Variants in INPP5J observed in about 807,000 individuals in gnomAD.
INPP5J encodes phosphatidylinositol 4,5-bisphosphate 5-phosphatase A.
A neutral mutation model predicts 86.6 loss-of-function variants in INPP5J; 75 were observed. The observed-to-expected ratio is 0.87, with a 90% CI of 0.72 to 1.05. INPP5J has a LOEUF of 1.05. INPP5J is among the 50% of genes least tolerant of loss of function. The pLI is 0.00. For synonymous variants in INPP5J, 540 were observed against 550.0 expected (o/e 0.98, Z 0.25); for missense variants, 1,229 against 1,341.2 (o/e 0.92, Z 1.31).
Position 31,128,588 on chromosome 22 carries a change from C to G in INPP5J, c.2127C>G (p.Ser709Arg). ...ACCGACTCCAGGTGACGCAGCACAG[C>G]TACCGCAGCCACATGGAATACACAG... ...KSHRLQVTQH[S>R]YRSHMEYTVS... Residue 709 changes from serine (S) to arginine (R), a missense_variant, in exon 9 of 13, where the codon AGC becomes AGG. Transcript: ENST00000331075. 4 of 1,612,744 alleles carry G rather than the reference C, an allele frequency of 2.5e-6. No individual in the cohort carries two copies. The highest frequency in any genetic ancestry group is 3.4e-6 in the Non-Finnish European group (4 of 1,179,572).
Position 31,125,640 on chromosome 22 carries a change from C to A in INPP5J, c.901C>A (p.Pro301Thr). The change falls in exon 2 of 13, where the codon CCC (proline) becomes ACC (threonine). Residue 301 changes from proline to threonine, a missense_variant. Physicochemically the swap from Pro to Thr is conservative, Grantham distance 38. Transcript: ENST00000331075. ...SPEDPVLPRP[P>T]QTLPLDVGQG... Reference sequence around the variant, plus strand: ...TGAGGATCCTGTTTTGCCACGGCCACCCCAGACCTTGCCCTTGGATGTGGG... The same window carrying A: ...TGAGGATCCTGTTTTGCCACGGCCAACCCAGACCTTGCCCTTGGATGTGGG... 3 of 1,550,552 alleles carry A rather than the reference C, an allele frequency of 1.9e-6. No individual in the cohort carries two copies. The highest frequency in any genetic ancestry group is 2.6e-6 in the Non-Finnish European group (3 of 1,146,974).
In INPP5J at chr22:31,133,824, C is replaced by G. The variant is rs1922322855; in HGVS notation, c.2515-89C>G. ...GACAAATAACCTGACCTCCCAAGAT[C>G]TGCCAACGAGAGAGGCAGACCTCGG... On this transcript the variant is annotated intron_variant, in intron 12 of 12. Coordinates refer to ENST00000331075, the MANE Select transcript of INPP5J (RefSeq NM_001284285.2). 5 of 1,596,434 alleles carry G rather than the reference C, an allele frequency of 3.1e-6. No homozygotes were observed. The South Asian group carries it at 5.6e-5, about 18-fold the overall frequency.
rs199529595 is a variant in INPP5J at position 31,128,482 on chromosome 22, G to A, written c.2021G>A (p.Arg674Gln). The A allele has an allele frequency of 1.2e-5, 19 of 1,613,468 alleles. No homozygotes were observed. The highest frequency in any genetic ancestry group is 2.2e-5 in the East Asian group (1 of 44,880). ...TNKYDTSAKK[R>Q]KPAWTDRILW... Reference sequence around the variant, plus strand: ...CCTGCTCACTGCAGTGCCAAGAAACGGAAGCCAGCTTGGACAGACCGTATC... The same window carrying A: ...CCTGCTCACTGCAGTGCCAAGAAACAGAAGCCAGCTTGGACAGACCGTATC... The change falls in exon 9 of 13, where the codon CGG becomes CAG. Residue 674 changes from arginine to glutamine, a missense_variant. Coordinates refer to ENST00000331075, the MANE Select transcript of INPP5J (RefSeq NM_001284285.2).
In INPP5J at chr22:31,123,179, C is replaced by A. The variant is rs754304990; in HGVS notation, c.105+60C>A. 1.8e-4 allele frequency: 188 copies of A among 1,023,150 alleles called. 1 individual carries two copies. Among genetic ancestry groups the A allele is most frequent in the Non-Finnish European group, 2.4e-4 (174 of 736,896 alleles). 63.4% of individuals were successfully genotyped at this position (1,023,150 alleles called of 1,614,324 possible). Reference sequence around the variant, plus strand: ...CTGATCCCTGGTTCCACACACCCCCCCCACATACACTGCAGGCTCCCTGGT... The same window carrying A: ...CTGATCCCTGGTTCCACACACCCCCACCACATACACTGCAGGCTCCCTGGT... On this transcript the variant is annotated intron_variant, in intron 1 of 12. Transcript: ENST00000331075.
chr22:31,129,087 A>G (rs1337949362), intron 9 of INPP5J, among the ~76,000 whole-genome samples: 1 of 149,998 alleles, frequency 6.7e-6, no homozygotes. Context: ...ACCCGCCACC[A>G]CGCCAGGCTA....
At chr22:31,126,133 G>T in intron 2 of INPP5J, 123 bp downstream of exon 2, 1 of 1,041,676 alleles carries the variant, frequency 9.6e-7, no homozygotes, top group Non-Finnish European at 1.4e-6. Context: ...TGGGGAGGGG[G>T]TTGCTGGGCC....
At chr22:31,129,577 T>A (rs1261227993) in intron 9 of INPP5J, among the ~76,000 whole-genome samples, 1 of 116,594 alleles carries the variant, frequency 8.6e-6, no homozygotes. Context: ...GCAGTCTCAC[T>A]CTGTTGCCCA....
At chr22:31,128,927 C>CTTTTTTTTT (rs56761879) in intron 9 of INPP5J, among the ~76,000 whole-genome samples, 1 of 79,998 alleles carries the variant, frequency 1.3e-5, no homozygotes, top group African/African-American at 4.6e-5. Flanking sequence ...CATGCCTTTT[C>CTTTTTTTTT]TTTTTTTTTT....
chr22:31,125,932 C>T lies in INPP5J; in HGVS notation c.1193C>T (p.Thr398Ile), dbSNP rs1455846741. The T allele has an allele frequency of 1.2e-6, 2 of 1,613,178 alleles. No individual in the cohort carries two copies. The highest frequency in any genetic ancestry group is 1.6e-4 in the Middle Eastern group (1 of 6,082). The change falls in exon 2 of 13, where the codon ACC becomes ATC. Residue 398 changes from threonine (T) to isoleucine (I), a missense_variant. Transcript: ENST00000331075. Reference sequence around the variant, plus strand: ...GCCCAAGAAGCCCCAGCCCCAGTCACCACCTCCTCTTCTACATCCACCCTG... The same window carrying T: ...GCCCAAGAAGCCCCAGCCCCAGTCATCACCTCCTCTTCTACATCCACCCTG... ...LQAQEAPAPV[T>I]TSSSTSTLSS...
In INPP5J at chr22:31,128,570, C is replaced by G. The variant is rs753996459; in HGVS notation, c.2109C>G (p.Leu703=). The change falls in exon 9 of 13, where the codon CTC becomes CTG. Residue 703 remains leucine (L), a synonymous_variant. Transcript: ENST00000331075. The stretch of plus-strand genomic sequence containing the variant: ...CCTCAGGACGGAAGAGCCACCGACT[C>G]CAGGTGACGCAGCACAGCTACCGCA... ...PSPSGRKSHR[L]QVTQHSYRSH... is the part of the protein sequence containing the mutation. 4.0e-5 allele frequency: 65 copies of G among 1,613,256 alleles called. No individual in the cohort carries two copies. Among genetic ancestry groups the G allele is most frequent in the Non-Finnish European group, 4.2e-6 (5 of 1,179,822 alleles).
chr22:31,128,204 C>G lies in INPP5J; in HGVS notation c.1900-10C>G. The stretch of plus-strand genomic sequence containing the variant: ...CTGTTGTCCAATCTGCTCTCCTGGA[C>G]CCCCCACAGCTCAACATGGCCAAGA... On this transcript the variant is annotated splice_polypyrimidine_tract_variant and intron_variant, in intron 7 of 12. Coordinates refer to ENST00000331075, the MANE Select transcript of INPP5J (RefSeq NM_001284285.2). The G allele has an allele frequency of 2.5e-6, 4 of 1,576,544 alleles. No individual in the cohort carries two copies. The highest frequency in any genetic ancestry group is 2.3e-5 in the East Asian group (1 of 43,334).
rs367726304 is a variant in INPP5J at position 31,126,914 on chromosome 22, G to A, written c.1495-7G>A. ...CTGTCCCCCAGCCACGTGGCCTCCC[G>A]CTGCAGGTGAGTTCGGTGAGGATGC... On this transcript the variant is annotated splice_polypyrimidine_tract_variant and splice_region_variant and intron_variant, in intron 4 of 12. Transcript: ENST00000331075. 26 of 1,599,418 alleles carry A rather than the reference G, an allele frequency of 1.6e-5. No homozygotes were observed. The highest frequency in any genetic ancestry group is 9.0e-5 in the East Asian group (4 of 44,376).
chr22:31,125,717 C>T lies in INPP5J; in HGVS notation c.978C>T (p.Thr326=), dbSNP rs1455294984. 2 of 1,551,108 alleles carry T rather than the reference C, an allele frequency of 1.3e-6. No individual in the cohort carries two copies. The highest frequency in any genetic ancestry group is 1.7e-6 in the Non-Finnish European group (2 of 1,146,770). The change falls in exon 2 of 13, where the codon ACC becomes ACT. Residue 326 remains threonine (T), a synonymous_variant. Coordinates refer to ENST00000331075, the MANE Select transcript of INPP5J (RefSeq NM_001284285.2). ...ACTCCCCTGGACTTCTGTCCCCCAC[C>T]TTCCGGCCTGGGGCCCCCTCAGGCC... ...GTHSPGLLSP[T]FRPGAPSGQT...
At position 31,126,020 on chromosome 22, in the gene INPP5J, C is replaced by T. The variant is rs372167198; in HGVS notation, c.1271+10C>T. The T allele has an allele frequency of 6.5e-7, 1 of 1,548,782 alleles. No individual in the cohort carries two copies. Among genetic ancestry groups the T allele is most frequent in the Middle Eastern group, 1.7e-4 (1 of 5,766 alleles). On this transcript the variant is annotated intron_variant, in intron 2 of 12. Transcript: ENST00000331075. ...GCGACCCCGGCTTCCGGTGAGGGGG[C>T]CCTCTCCCAAGAAAGGTGGCTGGGG...
rs1922350208 is a variant in INPP5J, at chr22:31,134,043, A to G, written c.2645A>G (p.Lys882Arg). 1 of 1,599,134 alleles carries G rather than the reference A, an allele frequency of 6.3e-7. No individual in the cohort carries two copies. The highest frequency in any genetic ancestry group is 8.5e-7 in the Non-Finnish European group (1 of 1,174,150). The change falls in exon 13 of 13, where the codon AAG becomes AGG. Residue 882 changes from lysine (K) to arginine (R), a missense_variant. Physicochemically the swap from Lys to Arg is conservative, Grantham distance 26. Transcript: ENST00000331075. ...KSRSPSPGKSKRHRSRSPGLA... is the reference protein window; with the variant it reads ...KSRSPSPGKSRRHRSRSPGLA... ...CGCAGCCCCAGTCCTGGCAAGTCCA[A>G]GCGACACCGCAGCCGCAGCCCGGGA...
intron 6 of INPP5J, 141 bp from the exon 7 acceptor site, chr22:31,127,810 G>A: frequency 1.5e-6 from 1 of 658,508 alleles, no homozygotes; most frequent in Non-Finnish European, 2.7e-6. Context: ...GTGGGCTGGA[G>A]GCTCTGGCAC....
rs1162902231 is a variant in INPP5J at position 31,125,288 on chromosome 22, T to A, written c.549T>A (p.Ser183=). ...GACCCAAGCCAACACTGGCAGCCTC[T>A]GGCCTGAGCCTGGCCCTGGCTTCTG... The part of the protein sequence containing the change: ...SVGPKPTLAA[S]GLSLALASEE... Residue 183 remains serine (S), a synonymous_variant, in exon 2 of 13, where the codon TCT becomes TCA. Coordinates refer to ENST00000331075, the MANE Select transcript of INPP5J (RefSeq NM_001284285.2). The A allele has an allele frequency of 1.9e-6, 3 of 1,550,510 alleles. No individual in the cohort carries two copies. Among genetic ancestry groups the A allele is most frequent in the Non-Finnish European group, 2.6e-6 (3 of 1,146,960 alleles).
intron 1 of INPP5J, 57 bp downstream of exon 1, chr22:31,123,176 C>G (rs1012948799): frequency 1.2e-5 from 13 of 1,071,362 alleles, no homozygotes; most frequent in African/African-American, 6.7e-5. Flanking sequence ...TCCACACACC[C>G]CCCCCACATA....
chr22:31,129,279 G>A (rs1245788718), intron 9 of INPP5J, among the ~76,000 whole-genome samples: 3 of 99,386 alleles, frequency 3.0e-5, no homozygotes, highest in South Asian at 7.1e-4. Flanking sequence ...TTGCTCAGCC[G>A]CCCCAGGCTG....
Sources: allele counts gnomAD v4.1 joint callset (sites outside exome capture counted in the v4.1 genomes callset), GRCh38; gene constraint gnomAD v4.1.1; transcripts MANE v1.5; gene names NCBI Gene and HGNC (gene_info 2026-07-23, HGNC 2026-07-21).